Variants in ANKRD31 observed in about 807,000 individuals in gnomAD.
The protein encoded by ANKRD31 is ankyrin repeat domain-containing protein 31.
ANKRD31 carries 147 observed loss-of-function variants against 186.0 expected under a neutral mutation model. That is an observed-to-expected ratio of 0.79 (90% CI 0.69 to 0.91). The LOEUF is 0.91. Among genes scored for constraint, ANKRD31 ranks in the 40% least tolerant of loss-of-function variants. The pLI is 0.00. For missense variants in ANKRD31, 1,986 were observed against 2,148.8 expected, an observed-to-expected ratio of 0.92 and a Z score of 1.50; for synonymous variants, 673 against 736.4, an observed-to-expected ratio of 0.91 and a Z score of 1.39.
intron 22 of ANKRD31, among the ~76,000 whole-genome samples, chr5:75,099,870 C>A (rs1331488566): frequency 1.3e-5 from 2 of 152,120 alleles, no homozygotes; most frequent in Non-Finnish European, 2.9e-5. Context: ...TTTCAAAAAA[C>A]CAGCTCCTGA....
intron 3 of ANKRD31, among the ~76,000 whole-genome samples, chr5:75,215,740 C>T (rs1756921817): frequency 6.6e-6 from 1 of 151,722 alleles, no homozygotes; most frequent in Non-Finnish European, 1.5e-5. Flanking sequence ...ATCTGTGAAT[C>T]TGGGAAGAAT....
intron 12 of ANKRD31, among the ~76,000 whole-genome samples, chr5:75,151,948 A>G (rs2150154823): frequency 6.6e-6 from 1 of 152,106 alleles, no homozygotes; most frequent in African/African-American, 2.4e-5. Context: ...GGCACTATTT[A>G]GTGTTTGATA....
At chr5:75,099,292 T>C (rs944396934) in intron 22 of ANKRD31, among the ~76,000 whole-genome samples, 3 of 152,212 alleles carry the variant, frequency 2.0e-5, no homozygotes, top group East Asian at 1.9e-4. Context: ...CACTTGATCA[T>C]GGTGGATAAG....
intron 10 of ANKRD31, among the ~76,000 whole-genome samples, chr5:75,178,092 A>T (rs1448442279): frequency 6.6e-6 from 1 of 152,186 alleles, no homozygotes. Flanking sequence ...TCTGAGTCTC[A>T]GATAAAACAG....
chr5:75,173,032 A>T (rs556732199), intron 10 of ANKRD31, among the ~76,000 whole-genome samples: 4 of 152,208 alleles, frequency 2.6e-5, no homozygotes, highest in East Asian at 3.9e-4. Context: ...CAAAAAGCTT[A>T]TCCACCATGA....
At chr5:75,111,834 G>T (rs1338616892) in intron 20 of ANKRD31, among the ~76,000 whole-genome samples, 1 of 152,168 alleles carries the variant, frequency 6.6e-6, no homozygotes, top group African/African-American at 2.4e-5. Context: ...TTTGCAGTAA[G>T]ACATCCACCT....
Position 75,169,007 on chromosome 5 carries a change from T to A in ANKRD31, c.1679A>T (p.His560Leu), listed in dbSNP as rs1287030902. 1 of 1,536,514 alleles carries A rather than the reference T, an allele frequency of 6.5e-7. No individual in the cohort carries two copies. Among genetic ancestry groups the A allele is most frequent in the Non-Finnish European group, 8.7e-7 (1 of 1,146,390 alleles). The change falls in exon 11 of 26, where the codon CAT (histidine) becomes CTT (leucine). Residue 560 changes from histidine (H) to leucine (L), a missense_variant. Physicochemically the swap from His to Leu is moderately conservative, Grantham distance 99. Transcript: ENST00000506364. ...IKGLYQITPL[H>L]DAVMNGHYKV... ...ATAATGTCCATTCATCACTGCATCA[T>A]GTAGGGGAGTAATCTGGTATAATCC... is the stretch of plus-strand genomic sequence containing the variant.
intron 22 of ANKRD31, among the ~76,000 whole-genome samples, chr5:75,103,742 C>T (rs940361337): frequency 3.3e-5 from 5 of 152,118 alleles, no homozygotes; most frequent in East Asian, 1.9e-4. Flanking sequence ...AGCAAACTAA[C>T]GCAAGAACAT....
In ANKRD31 at chr5:75,192,793, T is replaced by C; in HGVS notation, c.1299-17A>G. 6.7e-7 allele frequency: 1 copy of C among 1,492,416 alleles called. No homozygotes were observed. Among genetic ancestry groups the C allele is most frequent in the Non-Finnish European group, 9.0e-7 (1 of 1,113,904 alleles). 92.4% of individuals were successfully genotyped at this position (1,492,416 alleles called of 1,614,324 possible). ...TCCTGCATTCTTGAAAAACAACGTA[T>C]TTTTTAAATGGCTATAACGGTTTTT... On this transcript the variant is annotated splice_polypyrimidine_tract_variant and intron_variant, in intron 8 of 25. Coordinates refer to ENST00000506364, the MANE Select transcript of ANKRD31 (RefSeq NM_001372053.1).
At chr5:75,117,910 G>C (rs569619210) in intron 18 of ANKRD31, among the ~76,000 whole-genome samples, 1 of 152,102 alleles carries the variant, frequency 6.6e-6, no homozygotes. Context: ...GAATGCTATA[G>C]GTTTCATTTC....
At chr5:75,224,135 A>ATATATATATATATATATATATATG (rs1757478783) in intron 2 of ANKRD31, among the ~76,000 whole-genome samples, 1 of 59,056 alleles carries the variant, frequency 1.7e-5, no homozygotes. Flanking sequence ...ATAATTATAT[A>ATATATATATATATATATATATATG]TATATATATA....
chr5:75,215,970 G>C (rs1288430301), intron 3 of ANKRD31, among the ~76,000 whole-genome samples: 1 of 152,086 alleles, frequency 6.6e-6, no homozygotes, highest in African/African-American at 2.4e-5. Context: ...TTAGAAAATA[G>C]TATTAATTAA....
Position 75,104,505 on chromosome 5 carries a change from G to A in ANKRD31, c.5054C>T (p.Pro1685Leu). The A allele has an allele frequency of 1.3e-6, 2 of 1,537,140 alleles. No individual in the cohort carries two copies. The highest frequency in any genetic ancestry group is 1.7e-6 in the Non-Finnish European group (2 of 1,146,876). ...GNRKTSSQQS[P>L]TGASESLAHQ... ...TGCCAGAGATTCTGATGCCCCTGTAGGTGATTGCTGGGAACTTGTTTTTCT... is the reference window on the plus strand; with the variant it reads ...TGCCAGAGATTCTGATGCCCCTGTAAGTGATTGCTGGGAACTTGTTTTTCT... Residue 1685 changes from proline (P) to leucine (L), a missense_variant, in exon 22 of 26, where the codon CCT becomes CTT. Transcript: ENST00000506364.
At chr5:75,231,906 A>AACACACACACACACACAC (rs56755264) in intron 1 of ANKRD31, among the ~76,000 whole-genome samples, 1 of 144,608 alleles carries the variant, frequency 6.9e-6, no homozygotes. Flanking sequence ...ACTGTCTCAA[A>AACACACACACACACACAC]ACACACACAC....
At chr5:75,075,066 A>G (rs919309181) in intron 25 of ANKRD31, among the ~76,000 whole-genome samples, 1 of 152,208 alleles carries the variant, frequency 6.6e-6, no homozygotes, top group Non-Finnish European at 1.5e-5. Flanking sequence ...AATAAGTAAA[A>G]TGTATTATGA....
chr5:75,072,703 C>T (rs1744332722), intron 25 of ANKRD31, among the ~76,000 whole-genome samples: 1 of 152,174 alleles, frequency 6.6e-6, no homozygotes, highest in Non-Finnish European at 1.5e-5. Flanking sequence ...TTGGGGCTTT[C>T]TCTTTGGAGG....
intron 11 of ANKRD31, among the ~76,000 whole-genome samples, chr5:75,165,516 T>C (rs776859863): frequency 2.6e-5 from 4 of 152,160 alleles, no homozygotes; most frequent in Non-Finnish European, 5.9e-5. Flanking sequence ...AAGTCTGAAA[T>C]GAAAATATCA....
At chr5:75,098,751 G>A (rs1746549075) in intron 22 of ANKRD31, among the ~76,000 whole-genome samples, 3 of 152,166 alleles carry the variant, frequency 2.0e-5, no homozygotes, top group Admixed American at 2.0e-4. Context: ...TTGGTGTATA[G>A]AAATGCTTGT....
intron 21 of ANKRD31, among the ~76,000 whole-genome samples, chr5:75,106,292 G>T (rs1747326037): frequency 6.6e-6 from 1 of 152,004 alleles, no homozygotes; most frequent in African/African-American, 2.4e-5. Context: ...ACCCCACCAT[G>T]GGTCCCTGGA....
Sources: allele counts gnomAD v4.1 joint callset (sites outside exome capture counted in the v4.1 genomes callset), GRCh38; gene constraint gnomAD v4.1.1; transcripts MANE v1.5; gene names NCBI Gene and HGNC (gene_info 2026-07-23, HGNC 2026-07-21).